The following SLC4A4 variants were observed in gnomAD, a reference collection of about 807,000 sequenced individuals.
SLC4A4 encodes the protein solute carrier family 4 member 4.
A neutral mutation model predicts 111.5 loss-of-function variants in SLC4A4; 27 were observed. The observed-to-expected ratio is 0.24, with a 90% confidence interval of 0.18 to 0.33. SLC4A4 has a LOEUF of 0.33. Ranked by LOEUF, SLC4A4 falls within the 10% of genes least tolerant of loss-of-function variation. The pLI, the probability that SLC4A4 is intolerant of heterozygous loss-of-function variation, is 1.00. For synonymous variants in SLC4A4, 443 were observed against 463.4 expected (o/e 0.96, Z 0.57); for missense variants, 909 against 1,315.5 (o/e 0.69, Z 4.78).
intron 7 of SLC4A4, among the ~76,000 whole-genome samples, chr4:71,414,563 C>T (rs943595771): frequency 6.6e-6 from 1 of 152,190 alleles, no homozygotes; most frequent in African/African-American, 2.4e-5. Context: ...CCATGCATGC[C>T]TTGAACTTTT....
intron 7 of SLC4A4, among the ~76,000 whole-genome samples, chr4:71,418,443 A>G (rs1722017846): frequency 6.6e-6 from 1 of 152,154 alleles, no homozygotes; most frequent in Non-Finnish European, 1.5e-5. Flanking sequence ...ATTCTTTCAT[A>G]TTTCATACAC....
chr4:71,291,739 A>G (rs1724368776), intron 3 of SLC4A4, among the ~76,000 whole-genome samples: 2 of 152,200 alleles, frequency 1.3e-5, no homozygotes, highest in South Asian at 4.1e-4. Context: ...GCAATTCTCA[A>G]GTTGTTATTA....
intron 1 of SLC4A4, among the ~76,000 whole-genome samples, chr4:71,079,824 C>T (rs1560707625): frequency 6.6e-6 from 1 of 151,642 alleles, no homozygotes; most frequent in African/African-American, 2.4e-5. Flanking sequence ...CTGATAGAGG[C>T]CAGGCTGCCA....
At chr4:71,084,545 C>T (rs1167552216) in intron 1 of SLC4A4, among the ~76,000 whole-genome samples, 2 of 151,884 alleles carry the variant, frequency 1.3e-5, no homozygotes, top group Non-Finnish European at 2.9e-5. Context: ...CTAATGCTAT[C>T]CCTCCCCCCT....
intron 1 of SLC4A4, among the ~76,000 whole-genome samples, chr4:71,226,800 A>G (rs1175884759): frequency 6.6e-6 from 1 of 152,064 alleles, no homozygotes; most frequent in Admixed American, 6.5e-5. Flanking sequence ...CACTGTGCCT[A>G]TTTCTAACTG....
chr4:71,249,334 T>A (rs954373993), intron 2 of SLC4A4, among the ~76,000 whole-genome samples: 2 of 152,148 alleles, frequency 1.3e-5, no homozygotes, highest in Non-Finnish European at 2.9e-5. Flanking sequence ...AAACACATTA[T>A]TTTTTATGTA....
At chr4:71,190,497 T>C (rs1745685717) in intron 1 of SLC4A4, among the ~76,000 whole-genome samples, 1 of 152,114 alleles carries the variant, frequency 6.6e-6, no homozygotes. Flanking sequence ...ACTTTCGTAA[T>C]ACTTCTGTGG....
At chr4:71,349,728 T>G (rs1158221784) in intron 4 of SLC4A4, among the ~76,000 whole-genome samples, 184 bp from the exon 5 acceptor site, 1 of 152,206 alleles carries the variant, frequency 6.6e-6, no homozygotes, top group African/African-American at 2.4e-5. Flanking sequence ...AGGAGCAGTC[T>G]AGTGCTTCTC....
rs28639892 is a variant in SLC4A4 at position 71,189,668 on chromosome 4, A to G, written c.-2+2267A>G. Among the ~76,000 whole-genome samples the G allele has an allele frequency of 6.7e-3, 1,017 of 152,364 alleles. 6 individuals carry two copies. Among genetic ancestry groups the G allele is most frequent in the Middle Eastern group, 0.034 (10 of 294 alleles). ...ACACTAGCTGGTGAATCATGTAAAT[A>G]AACAGGATTCCTTGCCTGCCTCTGT... On this transcript the variant is annotated intron_variant, in intron 1 of 25. Coordinates refer to ENST00000264485, the MANE Select transcript of SLC4A4 (RefSeq NM_001098484.3).
At chr4:71,538,545 A>G (rs1052775091) in intron 18 of SLC4A4, among the ~76,000 whole-genome samples, 2 of 152,084 alleles carry the variant, frequency 1.3e-5, no homozygotes, top group African/African-American at 4.8e-5. Context: ...AGGAAAGGAG[A>G]GCTGTGGAAT....
At chr4:71,566,968 C>G (rs756580497) in intron 24 of SLC4A4, 36 bp from the exon 25 acceptor site, 6 of 1,549,888 alleles carry the variant, frequency 3.9e-6, no homozygotes, top group Non-Finnish European at 5.3e-6. Context: ...CACCAAAGAT[C>G]TACCATTTAT....
In SLC4A4 at chr4:71,546,488, A is replaced by T; in HGVS notation, c.2581A>T (p.Thr861Ser). 1 of 1,612,626 alleles carries T rather than the reference A, an allele frequency of 6.2e-7. No homozygotes were observed. The highest frequency in any genetic ancestry group is 1.7e-4 in the Middle Eastern group (1 of 6,050). ...CGACAGTTTGAAGATGGAGACAGAGACTTCTGCACCTGGAGAACAACCAAA... is the reference window on the plus strand; with the variant it reads ...CGACAGTTTGAAGATGGAGACAGAGTCTTCTGCACCTGGAGAACAACCAAA... ...HIDSLKMETE[T>S]SAPGEQPKFL... Residue 861 changes from threonine to serine, a missense_variant, in exon 19 of 26, where the codon ACT (threonine) becomes TCT (serine). By Grantham distance (58) the Thr-to-Ser change is moderately conservative. This residue lies in a region of SLC4A4 where 104 missense variants were observed against 219.5 expected (regional missense o/e 0.47). Coordinates refer to ENST00000264485, the MANE Select transcript of SLC4A4 (RefSeq NM_001098484.3).
At chr4:71,444,937 G>T (rs539178318) in intron 8 of SLC4A4, among the ~76,000 whole-genome samples, 4 of 152,076 alleles carry the variant, frequency 2.6e-5, no homozygotes, top group Admixed American at 6.6e-5. Flanking sequence ...TTCCTGATTG[G>T]AGTAATGTGA....
intron 4 of SLC4A4, among the ~76,000 whole-genome samples, chr4:71,341,658 C>T (rs1050331308): frequency 6.6e-6 from 1 of 152,064 alleles, no homozygotes; most frequent in South Asian, 2.1e-4. Flanking sequence ...AGTTTAGTTA[C>T]TTAGGCTTAT....
At chr4:71,201,075 A>G (rs1746226937) in intron 1 of SLC4A4, among the ~76,000 whole-genome samples, 1 of 152,130 alleles carries the variant, frequency 6.6e-6, no homozygotes, top group Non-Finnish European at 1.5e-5. Context: ...TGTCTCTACC[A>G]TTGTCTTAGG....
At chr4:71,168,264 C>A (rs1011619521) in intron 2 of SLC4A4, among the ~76,000 whole-genome samples, 7 of 148,724 alleles carry the variant, frequency 4.7e-5, no homozygotes, top group Admixed American at 3.4e-4. Flanking sequence ...TCACCGTAAC[C>A]TCCGCGTCCT....
intron 1 of SLC4A4, among the ~76,000 whole-genome samples, chr4:71,195,627 A>G (rs1745962960): frequency 1.3e-5 from 2 of 152,236 alleles, no homozygotes; most frequent in Admixed American, 6.5e-5. Context: ...TTCCTTTGAG[A>G]AGTTAAACTG....
intron 6 of SLC4A4, among the ~76,000 whole-genome samples, chr4:71,395,437 C>G (rs1026852502): frequency 1.3e-5 from 2 of 152,186 alleles, no homozygotes; most frequent in Non-Finnish European, 2.9e-5. Context: ...TACTAGTCTT[C>G]TCTTCCTCAT....
At chr4:71,116,547 G>A (rs1743271541) in intron 2 of SLC4A4, among the ~76,000 whole-genome samples, 2 of 152,302 alleles carry the variant, frequency 1.3e-5, no homozygotes, top group African/African-American at 4.8e-5. Context: ...TTAGATTAAG[G>A]AGAAAAAATA....
Sources: gnomAD v4.1 joint callset for allele counts (sites outside exome capture counted in the v4.1 genomes callset) on GRCh38, gnomAD v4.1.1 for gene constraint, gnomAD v4.1.1 regional missense constraint, MANE v1.5 for transcripts, NCBI Gene and HGNC (gene_info 2026-07-23, HGNC 2026-07-21) for gene names.